ZNF90: variants seen among roughly 807,000 people sequenced by gnomAD.
The protein encoded by ZNF90 is zinc finger protein HTF9.
ZNF90 carries 11 observed loss-of-function variants against 12.0 expected under a neutral mutation model. The observed-to-expected ratio is 0.92, with a 90% CI of 0.58 to 1.52. ZNF90 has a LOEUF of 1.52. Ranked by LOEUF, ZNF90 falls within the 40% of genes most tolerant of loss-of-function variation. The probability of loss-of-function intolerance (pLI) is 0.00; values close to 1 mark genes in which losing one functional copy is unlikely to be tolerated. For missense variants in ZNF90, 765 were observed against 711.5 expected (o/e 1.08, Z -0.86); for synonymous variants, 232 against 240.1 (o/e 0.97, Z 0.31).
intron 1 of ZNF90, chr19:20,087,450 T>G (rs1173159334): frequency 3.9e-5 from 6 of 152,222 alleles, no homozygotes; most frequent in African/African-American, 1.2e-4. Flanking sequence ...TCAGCAGTAT[T>G]TTTTCCTTGT....
At chr19:20,090,017 G>T (rs1479799524) in intron 1 of ZNF90, among the ~76,000 whole-genome samples, 2 of 152,168 alleles carry the variant, frequency 1.3e-5, no homozygotes, top group African/African-American at 4.8e-5. Flanking sequence ...CATCAGGGTT[G>T]GAAGTATTGG....
intron 1 of ZNF90, among the ~76,000 whole-genome samples, chr19:20,096,688 C>A (rs1468208295): frequency 1.3e-5 from 2 of 152,260 alleles, no homozygotes; most frequent in Middle Eastern, 3.4e-3. Context: ...ATATTCACTT[C>A]TTTTGTGATT....
rs1003418764 is a variant in ZNF90 at position 20,118,705 on chromosome 19, T to C, written c.1151T>C (p.Leu384Pro). The C allele has an allele frequency of 8.3e-6, 13 of 1,565,034 alleles. No individual in the cohort carries two copies. Among genetic ancestry groups the C allele is most frequent in the Non-Finnish European group, 8.7e-6 (10 of 1,155,844 alleles). Residue 384 changes from leucine (L) to proline (P), a missense_variant, in exon 4 of 4, where the codon CTT becomes CCT. Coordinates refer to ENST00000418063, the MANE Select transcript of ZNF90 (RefSeq NM_007138.2). ...AAAGCATTTATTTCATCCTCACTCC[T>C]TTATAAACATAAGATAAGTCATAGT... ...CGKAFISSSL[L>P]YKHKISHSEK...
chr19:20,110,573 A>G (rs1341912991), intron 3 of ZNF90, among the ~76,000 whole-genome samples: 2 of 152,140 alleles, frequency 1.3e-5, no homozygotes, highest in East Asian at 1.9e-4. Context: ...ACTTTGTTAC[A>G]TATTTTGGAT....
intron 1 of ZNF90, among the ~76,000 whole-genome samples, chr19:20,095,702 G>A (rs1413139583): frequency 1.3e-5 from 2 of 151,926 alleles, no homozygotes; most frequent in African/African-American, 4.8e-5. Context: ...TAAGAGATTG[G>A]GGCACAGAAA....
chr19:20,115,017 G>C (rs75437342), intron 3 of ZNF90, among the ~76,000 whole-genome samples: 11,650 of 152,070 alleles, frequency 0.077, 658 homozygotes, highest in African/African-American at 0.16. Context: ...GGTCCCCAGC[G>C]AATGAATCTA....
At chr19:20,113,661 T>C (rs1364391559) in intron 3 of ZNF90, among the ~76,000 whole-genome samples, 3 of 151,934 alleles carry the variant, frequency 2.0e-5, no homozygotes, top group South Asian at 2.1e-4. Context: ...AACCCGTCTG[T>C]ACTAAAAATA....
At chr19:20,097,522 T>C (rs933533382) in intron 1 of ZNF90, among the ~76,000 whole-genome samples, 2 of 152,188 alleles carry the variant, frequency 1.3e-5, no homozygotes, top group Non-Finnish European at 2.9e-5. Flanking sequence ...CTGAAACGGA[T>C]TCAGAGACCA....
intron 3 of ZNF90, among the ~76,000 whole-genome samples, chr19:20,111,668 T>G (rs1378900518): frequency 6.6e-6 from 1 of 152,178 alleles, no homozygotes; most frequent in Non-Finnish European, 1.5e-5. Flanking sequence ...ATTTTTTATT[T>G]GCTTTTGTAT....
At chr19:20,112,233 A>ATTTT (rs35771879) in intron 3 of ZNF90, among the ~76,000 whole-genome samples, 2 of 137,482 alleles carry the variant, frequency 1.5e-5, no homozygotes, top group Admixed American at 7.4e-5. Flanking sequence ...AATAATTTTG[A>ATTTT]TTTTTTTTTT....
rs375471473 is a variant in ZNF90 at position 20,095,516 on chromosome 19, C to T, written c.4-8723C>T. On this transcript the variant is annotated intron_variant, in intron 1 of 3. Coordinates refer to ENST00000418063, the MANE Select transcript of ZNF90 (RefSeq NM_007138.2). The stretch of plus-strand genomic sequence containing the variant: ...CAAGAGAAAAGAGAGCATAGAGACA[C>T]GGAGGGAAGGGGTTCGGAGGTTCTT... 5.5e-4 allele frequency among the ~76,000 whole-genome samples: 83 copies of T among 151,604 alleles called. 1 individual carries two copies. The South Asian group carries it at 0.012, about 23-fold the overall frequency.
chr19:20,103,276 C>G (rs958740820), intron 1 of ZNF90, among the ~76,000 whole-genome samples: 5 of 152,154 alleles, frequency 3.3e-5, no homozygotes, highest in Admixed American at 3.3e-4. Flanking sequence ...TTATAAGGAA[C>G]CTGTTCTGCT....
At chr19:20,104,991 T>G (rs2089021089) in intron 2 of ZNF90, among the ~76,000 whole-genome samples, 1 of 151,852 alleles carries the variant, frequency 6.6e-6, no homozygotes, top group Non-Finnish European at 1.5e-5. Context: ...AAACTCCGTC[T>G]GAAAAAACAA....
rs547386096 is a variant in ZNF90, at chr19:20,096,420, T to G, written c.4-7819T>G. Among the ~76,000 whole-genome samples the G allele has an allele frequency of 6.6e-5, 10 of 151,944 alleles. No homozygotes were observed. The South Asian group carries it at 1.9e-3, about 29-fold the overall frequency. ...AATCACCTGAGTGCAGGTGGGCTGA[T>G]TCCGAAAAGAGAGTCAGCGAAGGGA... On this transcript the variant is annotated intron_variant, in intron 1 of 3. Coordinates refer to ENST00000418063, the MANE Select transcript of ZNF90 (RefSeq NM_007138.2).
At chr19:20,100,738 A>G (rs2088982907) in intron 1 of ZNF90, among the ~76,000 whole-genome samples, 4 of 152,248 alleles carry the variant, frequency 2.6e-5, no homozygotes, top group Admixed American at 2.6e-4. Context: ...CCTGCTAAGA[A>G]TTCCTAAGCC....
intron 3 of ZNF90, among the ~76,000 whole-genome samples, chr19:20,115,359 GTTATT>G (rs1272827444): frequency 2.7e-5 from 4 of 148,146 alleles, no homozygotes; most frequent in African/African-American, 7.4e-5. Context: ...GCTTACTAAT[GTTATT>G]TTATTTTTTG....
At position 20,118,589 on chromosome 19, in the gene ZNF90, ATG is replaced by A; in HGVS notation, c.1038_1039del (p.Cys346TrpfsTer14). The A allele has an allele frequency of 6.2e-7, 1 of 1,612,662 alleles. No individual in the cohort carries two copies. The highest frequency in any genetic ancestry group is 8.5e-7 in the Non-Finnish European group (1 of 1,179,710). ...TGEKPYKCEE[C>X]GKAFRRSLVL... ...GAGAGAAACCCTACAAATGTGAAGA[ATG>A]TGGCAAAGCCTTCAGGCGCTCCTTA... is the stretch of plus-strand genomic sequence containing the variant. On this transcript the variant is annotated frameshift_variant, in exon 4 of 4. Transcript: ENST00000418063. LOFTEE classifies it low-confidence loss of function (END_TRUNC).
rs782083702 is a variant in ZNF90 at position 20,118,626 on chromosome 19, A to G, written c.1072A>G (p.Thr358Ala). ...KAFRRSLVLRTHKRIHTGEKP... is the reference protein window; with the variant it reads ...KAFRRSLVLRAHKRIHTGEKP... ...CTTCAGGCGCTCCTTAGTCCTTCGTACACATAAGAGAATTCATACTGGAGA... is the reference window on the plus strand; with the variant it reads ...CTTCAGGCGCTCCTTAGTCCTTCGTGCACATAAGAGAATTCATACTGGAGA... Residue 358 changes from threonine (T) to alanine (A), a missense_variant, in exon 4 of 4, where the codon ACA (threonine) becomes GCA (alanine). Transcript: ENST00000418063. 3.2e-5 allele frequency: 51 copies of G among 1,607,964 alleles called. No individual in the cohort carries two copies. The highest frequency in any genetic ancestry group is 3.8e-5 in the Non-Finnish European group (45 of 1,178,438).
At chr19:20,088,384 C>G (rs2122482403) in intron 1 of ZNF90, among the ~76,000 whole-genome samples, 1 of 152,084 alleles carries the variant, frequency 6.6e-6, no homozygotes. Context: ...TGGTGATGGC[C>G]TGGATACGGT....
Sources: allele counts gnomAD v4.1 joint callset (sites outside exome capture counted in the v4.1 genomes callset), GRCh38; gene constraint gnomAD v4.1.1; transcripts MANE v1.5; gene names NCBI Gene and HGNC (gene_info 2026-07-23, HGNC 2026-07-21).